ARMC2: variants seen among roughly 807,000 people sequenced by gnomAD.
ARMC2 encodes the protein armadillo repeat-containing protein 2.
A neutral mutation model predicts 90.3 loss-of-function variants in ARMC2; 67 were observed. The observed-to-expected ratio is 0.74, with a 90% confidence interval of 0.61 to 0.91. The LOEUF (loss-of-function observed/expected upper bound fraction) is 0.91. Among genes scored for constraint, ARMC2 ranks in the 40% least tolerant of loss-of-function variants. ARMC2 has a pLI of 0.00. For synonymous variants in ARMC2, 393 were observed against 393.0 expected (o/e 1.00, Z 0.00); for missense variants, 920 against 1,030.9 (o/e 0.89, Z 1.47).
chr6:108,987,402 A>G, the ARMC2 span: 7 of 538,542 alleles, frequency 1.3e-5, no homozygotes, highest in Admixed American at 2.0e-4. Context: ...TTTCCACAGA[A>G]AAATAGCAGA....
intron 4 of ARMC2, among the ~76,000 whole-genome samples, chr6:108,873,604 A>G (rs1249987674): frequency 1.3e-5 from 2 of 152,258 alleles, no homozygotes; most frequent in Non-Finnish European, 2.9e-5. Flanking sequence ...AAGAGTTTCA[A>G]GATAGCCACA....
At chr6:109,026,588 C>T in the ARMC2 span, among the ~76,000 whole-genome samples, 1 of 152,212 alleles carries the variant, frequency 6.6e-6, no homozygotes, top group East Asian at 1.9e-4. Context: ...CCTTCTCCGC[C>T]TCCCAGTTTC....
intron 13 of ARMC2, among the ~76,000 whole-genome samples, chr6:108,955,315 A>G (rs904472581): frequency 5.3e-5 from 8 of 152,240 alleles, no homozygotes; most frequent in African/African-American, 1.7e-4. Flanking sequence ...AGCTAGGCAT[A>G]CACAGCTAAG....
intron 17 of ARMC2, among the ~76,000 whole-genome samples, chr6:108,970,591 G>A (rs1290118113): frequency 1.4e-5 from 2 of 142,056 alleles, no homozygotes; most frequent in African/African-American, 5.2e-5. Context: ...TCTGCCTCCT[G>A]GGTTCAAGTG....
chr6:108,921,955 G>A (rs997907955), intron 10 of ARMC2, among the ~76,000 whole-genome samples: 3 of 152,196 alleles, frequency 2.0e-5, no homozygotes, highest in Non-Finnish European at 4.4e-5. Context: ...TGAGGCCAGG[G>A]CACTAGCCTA....
intron 2 of ARMC2, among the ~76,000 whole-genome samples, chr6:108,854,867 C>T (rs1464101710): frequency 1.3e-5 from 2 of 152,154 alleles, no homozygotes; most frequent in African/African-American, 2.4e-5. Flanking sequence ...TTTCACTGCC[C>T]TACAAATTCT....
chr6:108,922,970 C>T (rs780000225), intron 10 of ARMC2: 23 of 152,214 alleles, frequency 1.5e-4, no homozygotes, highest in Non-Finnish European at 2.8e-4. Flanking sequence ...AGCAAGGAAA[C>T]TTACATTTGT....
chr6:108,923,490 TTC>T (rs1435432972), intron 10 of ARMC2, among the ~76,000 whole-genome samples: 1 of 151,888 alleles, frequency 6.6e-6, no homozygotes, highest in Non-Finnish European at 1.5e-5. Context: ...AGTTCTTGTT[TTC>T]TTTTTTTTAA....
At chr6:108,899,291 T>A (rs1322327869) in intron 6 of ARMC2, among the ~76,000 whole-genome samples, 1 of 152,204 alleles carries the variant, frequency 6.6e-6, no homozygotes, top group Non-Finnish European at 1.5e-5. Flanking sequence ...ATTTTAGGTC[T>A]CCCTTTTAGA....
chr6:108,997,004 A>G, the ARMC2 span, among the ~76,000 whole-genome samples: 4 of 152,212 alleles, frequency 2.6e-5, no homozygotes, highest in Admixed American at 2.6e-4. Context: ...TGGAGAGAGT[A>G]AAGAAATGAA....
chr6:109,022,035 A>G, the ARMC2 span, among the ~76,000 whole-genome samples: 4 of 151,762 alleles, frequency 2.6e-5, no homozygotes, highest in African/African-American at 9.7e-5. Flanking sequence ...TTAAGCACCT[A>G]CTATGTGCCA....
the ARMC2 span, chr6:109,009,268 G>A: frequency 1.7e-6 from 2 of 1,174,910 alleles, no homozygotes; most frequent in East Asian, 3.3e-5. Flanking sequence ...CTGTGAGGAG[G>A]CAACGTGACC....
chr6:108,891,147 A>G (rs568321671), intron 5 of ARMC2, among the ~76,000 whole-genome samples: 7 of 152,250 alleles, frequency 4.6e-5, no homozygotes, highest in African/African-American at 1.7e-4. Flanking sequence ...TATTCAGCCT[A>G]TCATTGATGG....
downstream of ARMC2, among the ~76,000 whole-genome samples, chr6:108,977,072 T>C (rs1273228500): frequency 6.6e-6 from 1 of 152,192 alleles, no homozygotes; most frequent in East Asian, 1.9e-4. Context: ...GACATCCTTG[T>C]CTTGTGCTGA....
At chr6:109,022,566 G>A in the ARMC2 span, among the ~76,000 whole-genome samples, 4 of 151,242 alleles carry the variant, frequency 2.6e-5, no homozygotes, top group Non-Finnish European at 2.9e-5. Context: ...CCACCACCAC[G>A]CCCGGCTAAT....
At chr6:108,955,827 C>T (rs1002832869) in intron 13 of ARMC2, among the ~76,000 whole-genome samples, 6 of 152,230 alleles carry the variant, frequency 3.9e-5, no homozygotes, top group Non-Finnish European at 8.8e-5. Context: ...CTTTCCCCTT[C>T]CTGAGATCCA....
At chr6:109,002,491 T>C in the ARMC2 span, 1 of 612,792 alleles carries the variant, frequency 1.6e-6, no homozygotes, top group South Asian at 1.9e-5. Context: ...ATACCAACTC[T>C]TCTGTTAGCA....
chr6:108,976,757 T>C (rs1176559469), downstream of ARMC2, among the ~76,000 whole-genome samples: 1 of 152,218 alleles, frequency 6.6e-6, no homozygotes, highest in Admixed American at 6.5e-5. Context: ...TTATTCTCTT[T>C]GTAGCAATTG....
intron 12 of ARMC2, among the ~76,000 whole-genome samples, chr6:108,942,806 G>A (rs2128497159): frequency 6.6e-6 from 1 of 152,066 alleles, no homozygotes; most frequent in South Asian, 2.1e-4. Flanking sequence ...ACTACATTTA[G>A]GATCAGCATA....
Sources: gnomAD v4.1 joint callset for allele counts (sites outside exome capture counted in the v4.1 genomes callset) on GRCh38, gnomAD v4.1.1 for gene constraint, MANE v1.5 for transcripts, NCBI Gene and HGNC (gene_info 2026-07-23, HGNC 2026-07-21) for gene names.